The following DYM variants were observed in gnomAD, a reference collection of about 807,000 sequenced individuals.
DYM encodes the protein dymeclin.
DYM carries 78 observed loss-of-function variants against 93.1 expected under a neutral mutation model. The ratio of observed to expected loss-of-function variants is 0.84; its 90% CI spans 0.70 to 1.01. The LOEUF (loss-of-function observed/expected upper bound fraction) is 1.01, where lower values mean the gene tolerates loss of function less well. DYM is among the 50% of genes least tolerant of loss of function. The pLI is 0.00. For missense variants in DYM, 789 were observed against 845.0 expected, an observed-to-expected ratio of 0.93 and a Z score of 0.82; for synonymous variants, 321 against 319.7, an observed-to-expected ratio of 1.00 and a Z score of -0.04.
At chr18:49,284,492 T>A (rs935717297) in intron 9 of DYM, among the ~76,000 whole-genome samples, 4 of 152,200 alleles carry the variant, frequency 2.6e-5, no homozygotes, top group Non-Finnish European at 5.9e-5. Context: ...AGTAACATAG[T>A]AGATACCATA....
intron 5 of DYM, among the ~76,000 whole-genome samples, chr18:49,363,510 T>G (rs2066237608): frequency 6.6e-6 from 1 of 152,236 alleles, no homozygotes. Context: ...GTTGTCAGAT[T>G]TCTTATACTG....
intron 13 of DYM, among the ~76,000 whole-genome samples, chr18:49,214,594 A>T (rs2092941807): frequency 6.6e-6 from 1 of 152,178 alleles, no homozygotes; most frequent in Non-Finnish European, 1.5e-5. Context: ...TGTTAAGCAA[A>T]TAAATATGAT....
chr18:49,081,441 C>A (rs1028494175), intron 17 of DYM, among the ~76,000 whole-genome samples: 2 of 151,618 alleles, frequency 1.3e-5, no homozygotes, highest in East Asian at 3.9e-4. Context: ...CGCCGTGAGC[C>A]GAGATGGCAG....
intron 11 of DYM, among the ~76,000 whole-genome samples, chr18:49,271,138 A>C (rs921546469): frequency 1.3e-5 from 2 of 152,162 alleles, no homozygotes; most frequent in Admixed American, 1.3e-4. Context: ...GAGTCCAAAA[A>C]GAAAATTCGG....
Position 49,077,345 on chromosome 18 carries a change from C to A in DYM, c.2025+20057G>T, listed in dbSNP as rs950520070. On this transcript the variant is annotated intron_variant, in intron 17 of 17. Transcript: ENST00000675505. ...TGCCTTTTCTAGCTTTTATTGATTT[C>A]ATCAATTTAACTTTGACAATTCTAA... Among the ~76,000 whole-genome samples, 3 of 152,158 alleles carry A rather than the reference C, an allele frequency of 2.0e-5. No individual in the cohort carries two copies. In the East Asian group the frequency reaches 5.8e-4, roughly 29 times the overall value.
intron 2 of DYM, among the ~76,000 whole-genome samples, chr18:49,395,638 A>AT (rs1387244201): frequency 6.6e-6 from 1 of 152,216 alleles, no homozygotes; most frequent in African/African-American, 2.4e-5. Flanking sequence ...TAAAAAAAAA[A>AT]AAAGAAGACA....
intron 17 of DYM, among the ~76,000 whole-genome samples, chr18:49,051,348 A>C (rs1235477053): frequency 6.6e-6 from 1 of 152,198 alleles, no homozygotes; most frequent in African/African-American, 2.4e-5. Context: ...GCAGGTGGCA[A>C]GCTGGGCAGT....
chr18:49,058,625 T>C (rs951097062), intron 17 of DYM, among the ~76,000 whole-genome samples: 13 of 152,196 alleles, frequency 8.5e-5, no homozygotes, highest in African/African-American at 3.1e-4. Context: ...AATTTACATA[T>C]TTCAATAAAG....
intron 8 of DYM, among the ~76,000 whole-genome samples, chr18:49,330,294 C>T (rs1031546840): frequency 1.3e-5 from 2 of 151,572 alleles, no homozygotes; most frequent in African/African-American, 2.4e-5. Flanking sequence ...ATTTTAAAAC[C>T]GTGAGAAAAA....
intron 2 of DYM, among the ~76,000 whole-genome samples, chr18:49,428,129 TG>T (rs2074462827): frequency 6.6e-6 from 1 of 151,782 alleles, no homozygotes; most frequent in Admixed American, 6.6e-5. Context: ...TATTGGTGCA[TG>T]CTACAACATG....
chr18:49,415,964 A>C (rs2072941181), intron 2 of DYM, among the ~76,000 whole-genome samples: 1 of 152,114 alleles, frequency 6.6e-6, no homozygotes, highest in African/African-American at 2.4e-5. Flanking sequence ...TTATACACAA[A>C]GATGACTATT....
chr18:49,408,771 T>C lies in DYM; in HGVS notation c.141-17126A>G, dbSNP rs544531864. 2.0e-5 allele frequency among the ~76,000 whole-genome samples: 3 copies of C among 152,342 alleles called. No homozygotes were observed. The South Asian group carries it at 6.2e-4, about 32-fold the overall frequency. On this transcript the variant is annotated intron_variant, in intron 2 of 17. Coordinates refer to ENST00000675505, the MANE Select transcript of DYM (RefSeq NM_001353214.3). ...CATGTAAATTTAGAAGGAACCCTAT[T>C]CAACATGACCTAAATTCTTTAGCTG... is the stretch of plus-strand genomic sequence containing the variant.
intron 13 of DYM, among the ~76,000 whole-genome samples, chr18:49,231,476 C>A (rs887776102): frequency 1.1e-4 from 17 of 152,200 alleles, no homozygotes; most frequent in Non-Finnish European, 2.2e-4. Flanking sequence ...AATTTTCCAT[C>A]CATCTCTCTG....
chr18:49,277,280 G>A (rs1359629750), intron 10 of DYM, among the ~76,000 whole-genome samples: 1 of 152,088 alleles, frequency 6.6e-6, no homozygotes, highest in Non-Finnish European at 1.5e-5. Flanking sequence ...AATGGCAACT[G>A]AATTTGCTTA....
intron 13 of DYM, among the ~76,000 whole-genome samples, chr18:49,248,055 C>A (rs558435864): frequency 1.3e-5 from 2 of 152,312 alleles, no homozygotes; most frequent in African/African-American, 4.8e-5. Flanking sequence ...GAAACTGGAA[C>A]CTTTTTATTG....
intron 13 of DYM, among the ~76,000 whole-genome samples, chr18:49,217,129 C>T (rs965287050): frequency 5.3e-4 from 81 of 151,946 alleles, no homozygotes; most frequent in African/African-American, 1.8e-3. Context: ...GGAGCCAATG[C>T]GATCAACTGG....
rs977535192 is a variant in DYM, at chr18:49,157,142, A to T, written c.1728+6543T>A. Among the ~76,000 whole-genome samples the T allele has an allele frequency of 3.3e-5, 5 of 152,192 alleles. No homozygotes were observed. In the South Asian group the frequency reaches 1.0e-3, roughly 32 times the overall value. On this transcript the variant is annotated intron_variant, in intron 15 of 17. Transcript: ENST00000675505. The stretch of plus-strand genomic sequence containing the variant: ...CTTTGGGGTTCAGGTACACGCTGTG[A>T]TGTCAAGTAACTACCCAGATGTTCC...
chr18:49,159,794 T>C (rs556825514), intron 15 of DYM, among the ~76,000 whole-genome samples: 20 of 152,328 alleles, frequency 1.3e-4, no homozygotes, highest in Middle Eastern at 3.4e-3. Flanking sequence ...CAATATAATT[T>C]GGTTCCTTAT....
At chr18:49,080,007 G>A (rs1176637819) in intron 17 of DYM, among the ~76,000 whole-genome samples, 1 of 150,560 alleles carries the variant, frequency 6.6e-6, no homozygotes, top group Admixed American at 6.6e-5. Context: ...CTCACCTCCC[G>A]GACGGGGCGG....
Sources: gnomAD v4.1 joint callset for allele counts (sites outside exome capture counted in the v4.1 genomes callset) on GRCh38, gnomAD v4.1.1 for gene constraint, MANE v1.5 for transcripts, NCBI Gene and HGNC (gene_info 2026-07-23, HGNC 2026-07-21) for gene names.